LEKR1: variants seen among roughly 807,000 people sequenced by gnomAD.
LEKR1 encodes the protein leucine, glutamate and lysine rich 1, also known as protein LEKR1.
A neutral mutation model predicts 72.4 loss-of-function variants in LEKR1; 59 were observed. The observed-to-expected ratio is 0.82, with a 90% CI of 0.66 to 1.01. The LOEUF is 1.01. Among genes scored for constraint, LEKR1 ranks in the 50% least tolerant of loss-of-function variants. The pLI is 0.00. For synonymous variants in LEKR1, 257 were observed against 263.2 expected (o/e 0.98, Z 0.23); for missense variants, 728 against 759.2 (o/e 0.96, Z 0.48).
chr3:157,032,371 T>C (rs1467113391), intron 12 of LEKR1, among the ~76,000 whole-genome samples: 3 of 152,218 alleles, frequency 2.0e-5, no homozygotes, highest in African/African-American at 7.2e-5. Context: ...AGAGCAGTAG[T>C]TTTAAATGCT....
Position 156,920,613 on chromosome 3 carries a change from A to T in LEKR1, c.302A>T (p.Asn101Ile). The T allele has an allele frequency of 6.8e-7, 1 of 1,471,620 alleles. No homozygotes were observed. Among genetic ancestry groups the T allele is most frequent in the Non-Finnish European group, 9.1e-7 (1 of 1,095,094 alleles). 91.2% of individuals were successfully genotyped at this position (1,471,620 alleles called of 1,614,324 possible). The change falls in exon 4 of 13, where the codon AAT becomes ATT. Residue 101 changes from asparagine (N) to isoleucine (I), a missense_variant. Transcript: ENST00000356539. ...DVGMQLKSQQ[N>I]EFQKVKKQLS... Reference sequence around the variant, plus strand: ...GGCATGCAGTTAAAAAGTCAACAAAATGAATTTCAGAAAGTAAAGAAACAA... The same window carrying T: ...GGCATGCAGTTAAAAAGTCAACAAATTGAATTTCAGAAAGTAAAGAAACAA...
At chr3:157,011,913 TG>T (rs1258876297) in intron 10 of LEKR1, among the ~76,000 whole-genome samples, 2 of 152,092 alleles carry the variant, frequency 1.3e-5, no homozygotes, top group Admixed American at 1.3e-4. Flanking sequence ...TATTTGGTTT[TG>T]GACTTTTGAC....
At chr3:156,847,552 T>C (rs1714776250) in intron 2 of LEKR1, among the ~76,000 whole-genome samples, 1 of 152,234 alleles carries the variant, frequency 6.6e-6, no homozygotes, top group South Asian at 2.1e-4. Flanking sequence ...ATAATTACAG[T>C]ATTTCATATC....
At chr3:157,016,643 T>C (rs1733364888) in intron 10 of LEKR1, among the ~76,000 whole-genome samples, 1 of 152,158 alleles carries the variant, frequency 6.6e-6, no homozygotes, top group African/African-American at 2.4e-5. Flanking sequence ...CACAGAGGAA[T>C]GTAGAAAACC....
At chr3:156,886,959 G>A (rs900806719) in intron 3 of LEKR1, among the ~76,000 whole-genome samples, 1 of 152,192 alleles carries the variant, frequency 6.6e-6, no homozygotes, top group African/African-American at 2.4e-5. Flanking sequence ...ATCATGGTGT[G>A]AGTCTCCACA....
chr3:156,831,486 TG>T (rs1712395908), intron 2 of LEKR1, among the ~76,000 whole-genome samples: 1 of 152,156 alleles, frequency 6.6e-6, no homozygotes, highest in East Asian at 1.9e-4. Flanking sequence ...CCAGAAATTG[TG>T]TATTAGTTTG....
chr3:157,024,453 G>A (rs1734054010), intron 10 of LEKR1, among the ~76,000 whole-genome samples: 3 of 152,116 alleles, frequency 2.0e-5, no homozygotes, highest in South Asian at 2.1e-4. Context: ...TGAGTTGCTG[G>A]CAAGGACTGA....
At position 156,959,460 on chromosome 3, in the gene LEKR1, C is replaced by T. The variant is rs192840233; in HGVS notation, c.745+16746C>T. Among the ~76,000 whole-genome samples, 34 of 152,246 alleles carry T rather than the reference C, an allele frequency of 2.2e-4. No individual in the cohort carries two copies. In the East Asian group the frequency reaches 5.8e-3, roughly 26 times the overall value. On this transcript the variant is annotated intron_variant, in intron 6 of 12. Transcript: ENST00000356539. Reference sequence around the variant, plus strand: ...GCAGTTGTAGAACTAACTTTAAGTGCTAAGTATCACAATAAGGCTTCTTTT... The same window carrying T: ...GCAGTTGTAGAACTAACTTTAAGTGTTAAGTATCACAATAAGGCTTCTTTT...
At chr3:156,899,008 G>A (rs564905170) in intron 3 of LEKR1, among the ~76,000 whole-genome samples, 1 of 152,060 alleles carries the variant, frequency 6.6e-6, no homozygotes, top group African/African-American at 2.4e-5. Context: ...TTGCTTTGTT[G>A]TTTAATGGGA....
chr3:156,920,068 A>G (rs1256946962), intron 3 of LEKR1, among the ~76,000 whole-genome samples: 1 of 152,062 alleles, frequency 6.6e-6, no homozygotes, highest in African/African-American at 2.4e-5. Flanking sequence ...AGTGGAAGCA[A>G]CATGAGGCCC....
intron 2 of LEKR1, among the ~76,000 whole-genome samples, chr3:156,846,913 A>G (rs1207642885): frequency 6.6e-6 from 1 of 152,160 alleles, no homozygotes; most frequent in Non-Finnish European, 1.5e-5. Flanking sequence ...CCTGGGCTCA[A>G]GCAACCCTCC....
intron 9 of LEKR1, among the ~76,000 whole-genome samples, chr3:156,996,443 A>C (rs937547028): frequency 2.0e-5 from 3 of 150,406 alleles, no homozygotes; most frequent in South Asian, 4.2e-4. Context: ...AGGCAGGGTC[A>C]CATCATGCAG....
At chr3:156,933,295 T>A (rs1166726484) in intron 5 of LEKR1, among the ~76,000 whole-genome samples, 1 of 152,198 alleles carries the variant, frequency 6.6e-6, no homozygotes, top group African/African-American at 2.4e-5. Flanking sequence ...TGGATATATG[T>A]TTTTGTTATT....
At chr3:156,949,323 T>G (rs1181896860) in intron 6 of LEKR1, among the ~76,000 whole-genome samples, 1 of 151,674 alleles carries the variant, frequency 6.6e-6, no homozygotes, top group Non-Finnish European at 1.5e-5. Context: ...TAATACATCT[T>G]GAGTTGATTT....
At chr3:156,872,059 G>T (rs62275178) in intron 3 of LEKR1, among the ~76,000 whole-genome samples, 1 of 151,116 alleles carries the variant, frequency 6.6e-6, no homozygotes, top group Non-Finnish European at 1.5e-5. Context: ...CAGTGAAACT[G>T]TCTGGTCCTG....
intron 6 of LEKR1, among the ~76,000 whole-genome samples, chr3:156,977,002 A>G (rs1002786939): frequency 2.0e-5 from 3 of 152,234 alleles, no homozygotes; most frequent in Admixed American, 6.5e-5. Flanking sequence ...TGGACCTCAC[A>G]GTAAACAAGT....
At chr3:156,894,773 A>G (rs574327914) in intron 3 of LEKR1, among the ~76,000 whole-genome samples, 17 of 152,344 alleles carry the variant, frequency 1.1e-4, no homozygotes, top group Admixed American at 7.8e-4. Flanking sequence ...GACAAAGTTT[A>G]CTAAAACAAG....
At chr3:156,989,883 TAA>T (rs371831586) in intron 7 of LEKR1, among the ~76,000 whole-genome samples, 1 of 152,130 alleles carries the variant, frequency 6.6e-6, no homozygotes, top group African/African-American at 2.4e-5. Context: ...GTTTTGAGGA[TAA>T]GTTACATGCA....
intron 3 of LEKR1, among the ~76,000 whole-genome samples, chr3:156,870,951 CTTT>C (rs201513634): frequency 6.6e-6 from 1 of 151,662 alleles, no homozygotes; most frequent in African/African-American, 2.4e-5. Context: ...GTCCTTCATT[CTTT>C]TTTTTATTAT....
Sources: allele counts gnomAD v4.1 joint callset (sites outside exome capture counted in the v4.1 genomes callset), GRCh38; gene constraint gnomAD v4.1.1; transcripts MANE v1.5; gene names NCBI Gene and HGNC (gene_info 2026-07-23, HGNC 2026-07-21).